The following EPB41L3 variants were observed in gnomAD, a reference collection of about 807,000 sequenced individuals.
EPB41L3 encodes the protein band 4.1-like protein 3.
In EPB41L3, 57 loss-of-function variants were observed where a neutral mutation model predicts 127.1. That is an observed-to-expected ratio of 0.45 (90% CI 0.36 to 0.56). EPB41L3 has a LOEUF of 0.56. EPB41L3 is among the 20% of genes least tolerant of loss of function. EPB41L3 has a pLI of 0.00. For synonymous variants in EPB41L3, 572 were observed against 549.5 expected, an observed-to-expected ratio of 1.04 and a Z score of -0.57; for missense variants, 1,273 against 1,372.2, an observed-to-expected ratio of 0.93 and a Z score of 1.14.
At chr18:5,401,104 G>T in intron 16 of EPB41L3, 1 of 945,842 alleles carries the variant, frequency 1.1e-6, no homozygotes, top group Non-Finnish European at 1.6e-6. Flanking sequence ...AAAAAGGCAA[G>T]TTAGGAAGGG....
chr18:5,619,081 C>T (rs2099507974), intron 1 of EPB41L3, among the ~76,000 whole-genome samples: 1 of 152,162 alleles, frequency 6.6e-6, no homozygotes, highest in African/African-American at 2.4e-5. Context: ...TTTGTATCTA[C>T]TGAACCCCTA....
At chr18:5,531,196 G>A (rs911551992) in intron 1 of EPB41L3, among the ~76,000 whole-genome samples, 1 of 152,178 alleles carries the variant, frequency 6.6e-6, no homozygotes, top group Non-Finnish European at 1.5e-5. Context: ...GTTTCTGAGA[G>A]GTTCACTGAT....
chr18:5,434,159 A>T (rs1432310608), intron 6 of EPB41L3, 38 bp from the exon 7 acceptor site: 1 of 1,561,146 alleles, frequency 6.4e-7, no homozygotes, highest in Admixed American at 1.7e-5. Flanking sequence ...CGAAGGCAGC[A>T]TGAGGATACA....
In EPB41L3 at chr18:5,465,773, T is replaced by C. The variant is rs145724017; in HGVS notation, c.381+12468A>G. ...TGCTGCCTCCTAAAATTTAATATTC[T>C]TAAGTTCAAAAATCAATTCTTTATG... On this transcript the variant is annotated intron_variant, in intron 3 of 22. Coordinates refer to ENST00000341928, the MANE Select transcript of EPB41L3 (RefSeq NM_012307.5). 2.1e-3 allele frequency among the ~76,000 whole-genome samples: 316 copies of C among 152,308 alleles called. 5 individuals are homozygous for C. Among genetic ancestry groups the C allele is most frequent in the African/African-American group, 7.4e-3 (307 of 41,568 alleles).
At chr18:5,499,829 G>GTGTGTGTGTATATATATATATA (rs563662904) in intron 1 of EPB41L3, among the ~76,000 whole-genome samples, 1 of 124,612 alleles carries the variant, frequency 8.0e-6, no homozygotes, top group African/African-American at 3.1e-5. Flanking sequence ...CTATGTGTGT[G>GTGTGTGTGTATATATATATATA]TATATATATA....
chr18:5,564,233 C>A (rs910809916), intron 3 of EPB41L3, among the ~76,000 whole-genome samples: 1 of 152,034 alleles, frequency 6.6e-6, no homozygotes, highest in Non-Finnish European at 1.5e-5. Context: ...ACTATAGATA[C>A]TACTACTAAT....
chr18:5,398,447 A>C (rs537518816), intron 16 of EPB41L3: 11 of 436,720 alleles, frequency 2.5e-5, no homozygotes, highest in Non-Finnish European at 4.0e-5. Context: ...AGGGAGCTGG[A>C]AATAAAATGG....
At chr18:5,629,274 A>G (rs2094959729), upstream of EPB41L3, among the ~76,000 whole-genome samples, 1 of 151,612 alleles carries the variant, frequency 6.6e-6, no homozygotes, top group Non-Finnish European at 1.5e-5. Flanking sequence ...GGAGGAGAGG[A>G]GCCGGCAGCG....
intron 3 of EPB41L3, among the ~76,000 whole-genome samples, chr18:5,556,340 C>A (rs2094035257): frequency 6.6e-6 from 1 of 152,194 alleles, no homozygotes. Context: ...TATCAATATC[C>A]TTTGCAAACA....
At chr18:5,483,286 G>A (rs2148072835) in intron 2 of EPB41L3, among the ~76,000 whole-genome samples, 1 of 152,044 alleles carries the variant, frequency 6.6e-6, no homozygotes, top group Non-Finnish European at 1.5e-5. Context: ...ATAACTTGCT[G>A]TATCTATAAG....
intron 3 of EPB41L3, among the ~76,000 whole-genome samples, chr18:5,594,147 A>G (rs1785406): frequency 0.4 from 60,693 of 152,062 alleles, 12,771 homozygotes; most frequent in Non-Finnish European, 0.47. Context: ...AAATCTTCAC[A>G]ATTTATGTTT....
At chr18:5,436,992 A>C (rs2079938686) in intron 6 of EPB41L3, among the ~76,000 whole-genome samples, 1 of 152,222 alleles carries the variant, frequency 6.6e-6, no homozygotes. Context: ...TTACACAGAA[A>C]ATTCTGCATA....
intron 3 of EPB41L3, among the ~76,000 whole-genome samples, chr18:5,549,754 TGAG>T (rs1368927849): frequency 1.3e-5 from 2 of 152,044 alleles, no homozygotes; most frequent in Non-Finnish European, 2.9e-5. Flanking sequence ...CACCAAATCT[TGAG>T]AACCATTGAT....
At chr18:5,446,886 ATTTG>A (rs1389794532) in intron 3 of EPB41L3, among the ~76,000 whole-genome samples, 1 of 152,260 alleles carries the variant, frequency 6.6e-6, no homozygotes, top group Non-Finnish European at 1.5e-5. Flanking sequence ...GGTTTAAATC[ATTTG>A]TTTATAAATA....
intron 16 of EPB41L3, chr18:5,400,912 G>T: frequency 9.7e-7 from 1 of 1,035,090 alleles, no homozygotes; most frequent in South Asian, 1.4e-5. Flanking sequence ...GCATTTTAAT[G>T]ACACTGAAGT....
At chr18:5,591,508 G>A (rs186725268) in intron 3 of EPB41L3, among the ~76,000 whole-genome samples, 68 of 152,196 alleles carry the variant, frequency 4.5e-4, no homozygotes, top group African/African-American at 1.3e-3. Flanking sequence ...TAATTACCTC[G>A]TAAAAGGTCC....
chr18:5,419,696 G>A lies in EPB41L3; in HGVS notation c.1506+15C>T, dbSNP rs1217161525. 5 of 1,613,434 alleles carry A rather than the reference G, an allele frequency of 3.1e-6. No homozygotes were observed. Among genetic ancestry groups the A allele is most frequent in the South Asian group, 2.2e-5 (2 of 91,032 alleles). On this transcript the variant is annotated intron_variant, in intron 12 of 22. Coordinates refer to ENST00000341928, the MANE Select transcript of EPB41L3 (RefSeq NM_012307.5). ...AAGCTGGAGCAAGCTCTTGCAGGCA[G>A]TCTGGGAGCTATACCTTTCCCTCGT...
At chr18:5,444,718 C>T (rs2081244108) in intron 4 of EPB41L3, among the ~76,000 whole-genome samples, 1 of 152,106 alleles carries the variant, frequency 6.6e-6, no homozygotes, top group Non-Finnish European at 1.5e-5. Flanking sequence ...TGGTGAACTG[C>T]CCTGACAGTT....
At chr18:5,551,496 G>T (rs765034899) in intron 3 of EPB41L3, among the ~76,000 whole-genome samples, 1 of 152,086 alleles carries the variant, frequency 6.6e-6, no homozygotes, top group South Asian at 2.1e-4. Flanking sequence ...AGGCCGAGGC[G>T]GGTGGATCAC....
Sources: allele counts gnomAD v4.1 joint callset (sites outside exome capture counted in the v4.1 genomes callset), GRCh38; gene constraint gnomAD v4.1.1; transcripts MANE v1.5; gene names NCBI Gene and HGNC (gene_info 2026-07-23, HGNC 2026-07-21).